OVCH1: variants seen among roughly 807,000 people sequenced by gnomAD.
The protein encoded by OVCH1 is ovochymase-1.
In OVCH1, 139 loss-of-function variants were observed where a neutral mutation model predicts 138.4. The observed-to-expected ratio is 1.00, with a 90% CI of 0.87 to 1.16. The LOEUF is 1.16. Among genes scored for constraint, OVCH1 ranks in the 50% most tolerant of loss-of-function variants. The pLI is 0.00. For missense variants in OVCH1, 1,367 were observed against 1,357.9 expected, an observed-to-expected ratio of 1.01 and a Z score of -0.11; for synonymous variants, 453 against 467.8, an observed-to-expected ratio of 0.97 and a Z score of 0.41.
chr12:29,469,844 G>T (rs554773089), intron 16 of OVCH1, among the ~76,000 whole-genome samples: 1 of 152,296 alleles, frequency 6.6e-6, no homozygotes, highest in East Asian at 1.9e-4. Flanking sequence ...CTGCATTCCA[G>T]TCTGTGACAG....
In OVCH1 at chr12:29,440,915, C is replaced by T. The variant is rs115693515; in HGVS notation, c.3158-1481G>A. On this transcript the variant is annotated intron_variant, in intron 25 of 27. Transcript: ENST00000318184. ...TGGGCCCTTCTTAGGAAGGCAAAGG[C>T]CAGCAAAAAGCCATACATCCTCTTT... Among the ~76,000 whole-genome samples the T allele has an allele frequency of 4.1e-3, 629 of 152,248 alleles. 5 individuals carry two copies. Among genetic ancestry groups the T allele is most frequent in the African/African-American group, 0.014 (577 of 41,562 alleles).
intron 1 of OVCH1, among the ~76,000 whole-genome samples, 170 bp downstream of exon 1, chr12:29,497,453 A>G (rs933241130): frequency 2.0e-5 from 3 of 152,098 alleles, no homozygotes; most frequent in Admixed American, 6.5e-5. Flanking sequence ...TCTGGCCCAG[A>G]CCTTCCTTTG....
chr12:29,471,546 A>C (rs1401378679), intron 16 of OVCH1, among the ~76,000 whole-genome samples: 13 of 152,248 alleles, frequency 8.5e-5, no homozygotes, highest in Non-Finnish European at 5.9e-5. Flanking sequence ...GTACATTTAG[A>C]CCAGTGGATT....
intron 21 of OVCH1, among the ~76,000 whole-genome samples, chr12:29,453,028 A>G (rs1399421785): frequency 6.6e-6 from 1 of 152,216 alleles, no homozygotes; most frequent in Non-Finnish European, 1.5e-5. Context: ...CATTCAAAAA[A>G]TACATTAGAT....
chr12:29,452,795 C>T (rs535409382), intron 21 of OVCH1, among the ~76,000 whole-genome samples: 3 of 152,150 alleles, frequency 2.0e-5, no homozygotes, highest in Non-Finnish European at 4.4e-5. Context: ...TCATTAATTC[C>T]CTAGTGTAAA....
chr12:29,436,293 T>TACA (rs10658436), intron 26 of OVCH1, among the ~76,000 whole-genome samples: 152,175 of 152,226 alleles, frequency 1, 76,062 homozygotes, highest in Middle Eastern at 1. Flanking sequence ...AGACACCCAG[T>TACA]ACTTTATGAA....
At chr12:29,473,061 T>G in exon 15 of OVCH1, 1 of 1,611,326 alleles carries the variant, frequency 6.2e-7, no homozygotes, top group South Asian at 1.1e-5. Flanking sequence ...AGATACAGGA[T>G]TGTTTTGGGG....
intron 6 of OVCH1, 97 bp downstream of exon 6, chr12:29,489,523 A>G: frequency 7.6e-7 from 1 of 1,313,546 alleles, no homozygotes; most frequent in Non-Finnish European, 1.0e-6. Context: ...GAATTTTGAC[A>G]CAGTAATAGA....
chr12:29,471,978 G>C (rs1240425939), exon 16 of OVCH1: 3 of 1,608,808 alleles, frequency 1.9e-6, no homozygotes, highest in Non-Finnish European at 2.5e-6. Flanking sequence ...GGATGCCACA[G>C]ACATCTACAG....
At chr12:29,486,873 C>G (rs1460793844) in intron 7 of OVCH1, 3 of 455,024 alleles carry the variant, frequency 6.6e-6, no homozygotes, top group Non-Finnish European at 1.3e-5. Flanking sequence ...ACCTTGTCAA[C>G]TTTCCCTTCC....
chr12:29,417,237 G>T (rs1369317556), intron 3 of OVCH1, among the ~76,000 whole-genome samples: 5 of 152,080 alleles, frequency 3.3e-5, no homozygotes, highest in African/African-American at 1.2e-4. Context: ...TGGATCACCT[G>T]AGGTCAGGAG....
chr12:29,407,537 T>A (rs61917197), downstream of OVCH1, among the ~76,000 whole-genome samples: 3,419 of 150,020 alleles, frequency 0.023, 80 homozygotes, highest in Non-Finnish European at 0.036. Flanking sequence ...CTAGCCAGTT[T>A]TCCCAGCACC....
At chr12:29,476,755 G>GCGCGCGCGCACACACACACACACA (rs1264497944) in intron 12 of OVCH1, among the ~76,000 whole-genome samples, 1 of 103,342 alleles carries the variant, frequency 9.7e-6, no homozygotes, top group African/African-American at 3.8e-5. Context: ...ACACACGCGC[G>GCGCGCGCGCACACACACACACACA]CACACACACA....
intron 5 of OVCH1, 72 bp downstream of exon 5, chr12:29,491,025 C>T: frequency 1.5e-6 from 2 of 1,322,502 alleles, no homozygotes; most frequent in Non-Finnish European, 2.1e-6. Flanking sequence ...TCATGGTCAA[C>T]AAAATTATTT....
intron 22 of OVCH1, among the ~76,000 whole-genome samples, chr12:29,448,598 T>C (rs1019746010): frequency 1.3e-5 from 2 of 152,034 alleles, no homozygotes; most frequent in Non-Finnish European, 2.9e-5. Flanking sequence ...TGAATTTTAT[T>C]CTAGCTGCAA....
intron 7 of OVCH1, 22 bp downstream of exon 7, chr12:29,487,671 G>A (rs1269666591): frequency 6.4e-7 from 1 of 1,563,600 alleles, no homozygotes; most frequent in Non-Finnish European, 8.7e-7. Context: ...AGGATGAGAT[G>A]AGGAAGAAAG....
intron 16 of OVCH1, among the ~76,000 whole-genome samples, chr12:29,466,997 C>T (rs1026391612): frequency 3.3e-5 from 5 of 152,272 alleles, no homozygotes; most frequent in Non-Finnish European, 7.4e-5. Flanking sequence ...TAACCATGCT[C>T]ATTTCAATTC....
intron 22 of OVCH1, among the ~76,000 whole-genome samples, chr12:29,448,453 C>T (rs1352776270): frequency 6.6e-6 from 1 of 151,838 alleles, no homozygotes; most frequent in East Asian, 1.9e-4. Context: ...GACATTCCAT[C>T]AAGAATTGAA....
chr12:29,412,151 C>G (rs923111933), downstream of OVCH1, among the ~76,000 whole-genome samples: 4 of 152,114 alleles, frequency 2.6e-5, no homozygotes, highest in African/African-American at 9.7e-5. Flanking sequence ...TTTTTTAAGC[C>G]CGTTGGAAAA....
Sources: gnomAD v4.1 joint callset for allele counts (sites outside exome capture counted in the v4.1 genomes callset) on GRCh38, gnomAD v4.1.1 for gene constraint, MANE v1.5 for transcripts, NCBI Gene and HGNC (gene_info 2026-07-23, HGNC 2026-07-21) for gene names.